ABCC11: variants seen among roughly 807,000 people sequenced by gnomAD.
ABCC11 encodes ATP-binding cassette sub-family C member 11.
ABCC11 carries 135 observed loss-of-function variants against 149.3 expected under a neutral mutation model. That is an observed-to-expected ratio of 0.90 (90% CI 0.79 to 1.04). The LOEUF (loss-of-function observed/expected upper bound fraction) is 1.04, where lower values mean the gene tolerates loss of function less well. ABCC11 is among the 50% of genes least tolerant of loss of function. The pLI is 0.00. For missense variants in ABCC11, 1,680 were observed against 1,722.1 expected, an observed-to-expected ratio of 0.98 and a Z score of 0.43; for synonymous variants, 665 against 671.4, an observed-to-expected ratio of 0.99 and a Z score of 0.15.
rs1567490520 is a variant in ABCC11 at position 48,184,551 on chromosome 16, C to A, written c.3147G>T (p.Arg1049Ser). 3.1e-6 allele frequency: 5 copies of A among 1,614,250 alleles called. No individual in the cohort carries two copies. The highest frequency in any genetic ancestry group is 4.2e-6 in the Non-Finnish European group (5 of 1,180,052). The change falls in exon 23 of 30, where the codon AGG (arginine) becomes AGT (serine). Residue 1049 changes from arginine to serine, a missense_variant. Transcript: ENST00000356608. Reference sequence around the variant, plus strand: ...TCACAAGGTTGGTCATGATCTCCAGCCTCAATGCCATCCATCGTGTGGAAG... The same window carrying A: ...TCACAAGGTTGGTCATGATCTCCAGACTCAATGCCATCCATCGTGTGGAAG... ...FLSSTRWMAL[R>S]LEIMTNLVTL...
At position 48,193,929 on chromosome 16, in the gene ABCC11, T is replaced by C. The variant is rs1967147708; in HGVS notation, c.2458A>G (p.Thr820Ala). Reference sequence around the variant, plus strand: ...CTCAGCCACCAGAAGCTGAAGATCGTTAAGAAGACGATCAGCACCACGAAG... The same window carrying C: ...CTCAGCCACCAGAAGCTGAAGATCGCTAAGAAGACGATCAGCACCACGAAG... Reference protein sequence around the residue: ...FFFVVLIVFLTIFSFWWLSYW... With the variant: ...FFFVVLIVFLAIFSFWWLSYW... Residue 820 changes from threonine to alanine, a missense_variant, in exon 19 of 30, where the codon ACG (threonine) becomes GCG (alanine). Coordinates refer to ENST00000356608, the MANE Select transcript of ABCC11 (RefSeq NM_001370497.1). The C allele has an allele frequency of 1.9e-6, 3 of 1,614,002 alleles. No homozygotes were observed. The highest frequency in any genetic ancestry group is 2.5e-6 in the Non-Finnish European group (3 of 1,179,920).
intron 20 of ABCC11, among the ~76,000 whole-genome samples, chr16:48,190,011 T>C (rs1966858886): frequency 6.6e-6 from 1 of 152,184 alleles, no homozygotes; most frequent in Non-Finnish European, 1.5e-5. Context: ...CTCCTGGTCT[T>C]GAGCTGGCTA....
chr16:48,174,072 G>A (rs921068318), intron 26 of ABCC11, among the ~76,000 whole-genome samples: 2 of 152,122 alleles, frequency 1.3e-5, no homozygotes, highest in Non-Finnish European at 2.9e-5. Flanking sequence ...AAGCCTTTCT[G>A]GATTCACTCA....
chr16:48,210,744 A>T, intron 11 of ABCC11: 1 of 785,622 alleles, frequency 1.3e-6, no homozygotes, highest in African/African-American at 1.7e-5. Context: ...TAAGCCAAAA[A>T]AATTTTAAAT....
At position 48,200,303 on chromosome 16, in the gene ABCC11, C is replaced by T. The variant is rs61745566; in HGVS notation, c.2055G>A (p.Thr685=). The change falls in exon 15 of 30, where the codon ACG becomes ACA. Residue 685 remains threonine, a synonymous_variant. Transcript: ENST00000356608. Reference sequence around the variant, plus strand: ...GCAGCTGGTGGGTCACCAGGACGACCGTCTTCCCCCTGAGTGTCTTCTTAA... The same window carrying T: ...GCAGCTGGTGGGTCACCAGGACGACTGTCTTCCCCCTGAGTGTCTTCTTAA... ...ECIKKTLRGK[T]VVLVTHQLQY... is the part of the protein sequence containing the mutation. 5,142 of 1,614,094 alleles carry T rather than the reference C, an allele frequency of 3.2e-3. 152 individuals are homozygous for T. In the African/African-American group the frequency reaches 0.06, roughly 19 times the overall value.
intron 12 of ABCC11, among the ~76,000 whole-genome samples, chr16:48,206,003 G>C (rs935743805): frequency 6.6e-6 from 1 of 152,076 alleles, no homozygotes; most frequent in Non-Finnish European, 1.5e-5. Context: ...GTAGAGACAG[G>C]GTTTCACCGT....
Position 48,238,667 on chromosome 16 carries a change from G to A in ABCC11, c.-18-6728C>T, listed in dbSNP as rs563098752. On this transcript the variant is annotated intron_variant, in intron 1 of 29. Coordinates refer to ENST00000356608, the MANE Select transcript of ABCC11 (RefSeq NM_001370497.1). ...ATCCATAAAAACTAGGCCGGGCGCG[G>A]TGGCTCACGCCTGTAATCCCAGCAC... Among the ~76,000 whole-genome samples, 10 of 152,150 alleles carry A rather than the reference G, an allele frequency of 6.6e-5. No homozygotes were observed. The South Asian group carries it at 8.3e-4, about 13-fold the overall frequency.
In ABCC11 at chr16:48,198,284, T is replaced by C. The variant is rs1400372583; in HGVS notation, c.2083-9A>G. 4 of 1,613,316 alleles carry C rather than the reference T, an allele frequency of 2.5e-6. No individual in the cohort carries two copies. The highest frequency in any genetic ancestry group is 3.4e-6 in the Non-Finnish European group (4 of 1,179,580). On this transcript the variant is annotated splice_polypyrimidine_tract_variant and intron_variant, in intron 15 of 29. Coordinates refer to ENST00000356608, the MANE Select transcript of ABCC11 (RefSeq NM_001370497.1). ...CCACAAAATTCTAAGTACTGGACAG[T>C]CAAAAGAAAGAAAGGCTTCAGTAAG...
In ABCC11 at chr16:48,207,438, G is replaced by A. The variant is rs561573348; in HGVS notation, c.1680+987C>T. Among the ~76,000 whole-genome samples the A allele has an allele frequency of 3.9e-5, 6 of 152,288 alleles. No homozygotes were observed. In the South Asian group the frequency reaches 6.2e-4, roughly 16 times the overall value. ...CCCAGCACTTTGGAAAGCTGAGGCA[G>A]GTGGATGACTTGAGGCCAGGAGTTC... is the stretch of plus-strand genomic sequence containing the variant. On this transcript the variant is annotated intron_variant, in intron 12 of 29. Coordinates refer to ENST00000356608, the MANE Select transcript of ABCC11 (RefSeq NM_001370497.1).
intron 20 of ABCC11, among the ~76,000 whole-genome samples, chr16:48,189,957 T>G (rs546124244): frequency 4.4e-4 from 67 of 152,298 alleles, no homozygotes; most frequent in African/African-American, 1.6e-3. Context: ...CTTCCAGAGC[T>G]CCATTCTCCT....
chr16:48,193,810 A>G, intron 19 of ABCC11, 69 bp downstream of exon 19: 1 of 1,312,196 alleles, frequency 7.6e-7, no homozygotes, highest in Non-Finnish European at 1.1e-6. Flanking sequence ...TGTGGTCTCA[A>G]GGAGCAAGAA....
rs773448029 is a variant in ABCC11 at position 48,211,168 on chromosome 16, T to C, written c.1388A>G (p.Tyr463Cys). The change falls in exon 11 of 30, where the codon TAT becomes TGT. Residue 463 changes from tyrosine (Y) to cysteine (C), a missense_variant. Transcript: ENST00000356608. ...KFFLQESPVFYVQTLQDPSKA... is the reference protein window; with the variant it reads ...KFFLQESPVFCVQTLQDPSKA... The stretch of plus-strand genomic sequence containing the variant: ...GCTGGGGTCTTGTAATGTCTGGACA[T>C]AGAAAACAGGGCTCTCCTGGAGGAA... 3.1e-6 allele frequency: 5 copies of C among 1,613,994 alleles called. No homozygotes were observed. Among genetic ancestry groups the C allele is most frequent in the Non-Finnish European group, 4.2e-6 (5 of 1,180,026 alleles).
In ABCC11 at chr16:48,187,040, C is replaced by T. The variant is rs59029650; in HGVS notation, c.2984G>A (p.Arg995Gln). ...GAGGATGTGGGAGAATAAAGGAGAC[C>T]GGCTATAGTTCTCCAGTCTCTTGAA... ...GVFKRLENYS[R>Q]SPLFSHILNS... The change falls in exon 22 of 30, where the codon CGG becomes CAG. Residue 995 changes from arginine (R) to glutamine (Q), a missense_variant. Transcript: ENST00000356608. The T allele has an allele frequency of 2.8e-3, 4,575 of 1,614,008 alleles. 129 individuals are homozygous for T. The African/African-American group carries it at 0.054, about 19-fold the overall frequency.
chr16:48,196,434 C>T, intron 17 of ABCC11, 113 bp from the exon 18 acceptor site: 3 of 962,614 alleles, frequency 3.1e-6, no homozygotes, highest in South Asian at 1.5e-5. Flanking sequence ...GCTTCAGTGC[C>T]CCACCTATGT....
chr16:48,179,880 A>G (rs777185409), intron 23 of ABCC11, among the ~76,000 whole-genome samples: 7 of 152,218 alleles, frequency 4.6e-5, no homozygotes, highest in Non-Finnish European at 7.4e-5. Context: ...AATTCTCAGA[A>G]TACATCCAGG....
Position 48,171,185 on chromosome 16 carries a change from G to A in ABCC11, c.3699-218C>T, listed in dbSNP as rs563882525. ...TTGTTTAGGGGCCACCTCCTCCCCAGTCCCCCAGCCCATGTGTTCCAGGGC... is the reference window on the plus strand; with the variant it reads ...TTGTTTAGGGGCCACCTCCTCCCCAATCCCCCAGCCCATGTGTTCCAGGGC... On this transcript the variant is annotated intron_variant, in intron 26 of 29. Coordinates refer to ENST00000356608, the MANE Select transcript of ABCC11 (RefSeq NM_001370497.1). 3.3e-5 allele frequency among the ~76,000 whole-genome samples: 5 copies of A among 152,280 alleles called. No individual in the cohort carries two copies. The South Asian group carries it at 1.0e-3, about 32-fold the overall frequency.
At chr16:48,188,613 G>A (rs1966844893) in intron 20 of ABCC11, among the ~76,000 whole-genome samples, 1 of 152,216 alleles carries the variant, frequency 6.6e-6, no homozygotes, top group Non-Finnish European at 1.5e-5. Context: ...AAAGCATTTA[G>A]TTTGGTGTCC....
intron 24 of ABCC11, 53 bp downstream of exon 24, chr16:48,178,544 G>A: frequency 6.4e-7 from 1 of 1,564,510 alleles, no homozygotes; most frequent in Non-Finnish European, 8.8e-7. Flanking sequence ...GGTCACAGAA[G>A]TCATGCCCCA....
At position 48,188,332 on chromosome 16, in the gene ABCC11, G is replaced by A. The variant is rs189386112; in HGVS notation, c.2707-905C>T. ...CCTCATGGACTAAGCCCCAGTCTGGGGTTTACCTGCCCTCCATCACCCCCA... is the reference window on the plus strand; with the variant it reads ...CCTCATGGACTAAGCCCCAGTCTGGAGTTTACCTGCCCTCCATCACCCCCA... On this transcript the variant is annotated intron_variant, in intron 20 of 29. Transcript: ENST00000356608. 1.1e-4 allele frequency among the ~76,000 whole-genome samples: 17 copies of A among 152,242 alleles called. No individual in the cohort carries two copies. The East Asian group carries it at 3.3e-3, about 29-fold the overall frequency.
Sources: allele counts gnomAD v4.1 joint callset (sites outside exome capture counted in the v4.1 genomes callset), GRCh38; gene constraint gnomAD v4.1.1; transcripts MANE v1.5; gene names NCBI Gene and HGNC (gene_info 2026-07-23, HGNC 2026-07-21).